ZEB1: variants seen among roughly 807,000 people sequenced by gnomAD.
The protein encoded by ZEB1 is zinc finger E-box binding homeobox 1.
In ZEB1, 21 loss-of-function variants were observed where a neutral mutation model predicts 84.9. The ratio of observed to expected loss-of-function variants is 0.25; its 90% confidence interval spans 0.18 to 0.36. The LOEUF is 0.36. Ranked by LOEUF, ZEB1 falls within the 10% of genes least tolerant of loss-of-function variation. The pLI, the probability that ZEB1 is intolerant of heterozygous loss-of-function variation, is 1.00. For synonymous variants in ZEB1, 420 were observed against 471.1 expected (o/e 0.89, Z 1.41); for missense variants, 1,104 against 1,330.2 (o/e 0.83, Z 2.65).
At chr10:31,372,161 T>C (rs1590462640) in intron 1 of ZEB1, among the ~76,000 whole-genome samples, 1 of 152,104 alleles carries the variant, frequency 6.6e-6, no homozygotes, top group Non-Finnish European at 1.5e-5. Flanking sequence ...TTCAGAAACA[T>C]TTTTTAAGGA....
chr10:31,363,317 G>T, intron 1 of ZEB1: 1 of 1,533,204 alleles, frequency 6.5e-7, no homozygotes, highest in South Asian at 1.2e-5. Flanking sequence ...CCTCCAGCAG[G>T]GCTGTGTGAA....
intron 1 of ZEB1, among the ~76,000 whole-genome samples, chr10:31,325,659 C>T (rs2035310231): frequency 6.6e-6 from 1 of 151,920 alleles, no homozygotes; most frequent in Non-Finnish European, 1.5e-5. Flanking sequence ...CCTCTCCCTT[C>T]CCCTCCCCCA....
intron 1 of ZEB1, among the ~76,000 whole-genome samples, chr10:31,440,609 G>C (rs1345812989): frequency 6.6e-6 from 1 of 152,158 alleles, no homozygotes; most frequent in East Asian, 1.9e-4. Context: ...AAAAGAGGGA[G>C]TCAAATTGTC....
At chr10:31,458,480 C>T (rs554164352) in intron 1 of ZEB1, among the ~76,000 whole-genome samples, 4 of 152,082 alleles carry the variant, frequency 2.6e-5, no homozygotes, top group South Asian at 2.1e-4. Flanking sequence ...TACCCACACA[C>T]GGACTTCACT....
chr10:31,527,282 A>C lies in ZEB1; in HGVS notation c.*18A>C. 1 of 1,587,506 alleles carries C rather than the reference A, an allele frequency of 6.3e-7. No individual in the cohort carries two copies. Among genetic ancestry groups the C allele is most frequent in the Non-Finnish European group, 8.5e-7 (1 of 1,169,992 alleles). On this transcript the variant is annotated 3_prime_UTR_variant, in exon 9 of 9. Transcript: ENST00000424869. ...AAGCCTAATCGTTTTTCTAGAAGGA[A>C]AATAAATTCTAATTGATAATGAATT...
intron 2 of ZEB1, among the ~76,000 whole-genome samples, chr10:31,493,897 T>C (rs1487510550): frequency 6.6e-6 from 1 of 152,050 alleles, no homozygotes. Context: ...GCCTAGAATT[T>C]ATCCCAAGGG....
At chr10:31,486,681 T>G (rs1226115838) in intron 2 of ZEB1, among the ~76,000 whole-genome samples, 1 of 151,618 alleles carries the variant, frequency 6.6e-6, no homozygotes, top group Non-Finnish European at 1.5e-5. Flanking sequence ...GTTACTTATT[T>G]TATTAAATTT....
chr10:31,479,975 A>G (rs2064826308), intron 2 of ZEB1, among the ~76,000 whole-genome samples: 1 of 152,004 alleles, frequency 6.6e-6, no homozygotes, highest in Non-Finnish European at 1.5e-5. Context: ...GTTCAGCCAA[A>G]AACTCTCATG....
At chr10:31,417,743 GA>G (rs562576364) in intron 1 of ZEB1, among the ~76,000 whole-genome samples, 66 of 151,754 alleles carry the variant, frequency 4.3e-4, no homozygotes, top group African/African-American at 1.3e-3. Context: ...TCCTCATTCT[GA>G]ACACCCAATA....
chr10:31,370,443 A>G (rs2045495935), intron 1 of ZEB1, among the ~76,000 whole-genome samples: 1 of 152,172 alleles, frequency 6.6e-6, no homozygotes, highest in African/African-American at 2.4e-5. Flanking sequence ...ATTCTAGGGA[A>G]TTACCATTTT....
At chr10:31,390,651 C>T (rs1264118877) in intron 1 of ZEB1, among the ~76,000 whole-genome samples, 1 of 152,108 alleles carries the variant, frequency 6.6e-6, no homozygotes, top group Non-Finnish European at 1.5e-5. Flanking sequence ...TATTTTCCTA[C>T]CATTGGTTTC....
chr10:31,326,361 C>T (rs533503634), intron 1 of ZEB1, among the ~76,000 whole-genome samples: 3 of 152,084 alleles, frequency 2.0e-5, no homozygotes, highest in Non-Finnish European at 4.4e-5. Flanking sequence ...GCTATTTGCT[C>T]CTATTGCTAC....
chr10:31,447,017 TAA>T (rs1279933697), intron 1 of ZEB1, among the ~76,000 whole-genome samples: 1 of 151,000 alleles, frequency 6.6e-6, no homozygotes, highest in African/African-American at 2.4e-5. Flanking sequence ...AGTGGGGTGT[TAA>T]AGTCTCCCAT....
intron 1 of ZEB1, among the ~76,000 whole-genome samples, chr10:31,426,885 G>A (rs2056998869): frequency 6.6e-6 from 1 of 152,114 alleles, no homozygotes; most frequent in Admixed American, 6.5e-5. Flanking sequence ...ATTTCAGGGT[G>A]TTGTTTTTCT....
At chr10:31,502,239 A>T in intron 3 of ZEB1, 109 bp from the exon 4 acceptor site, 1 of 1,106,870 alleles carries the variant, frequency 9.0e-7, no homozygotes, top group Non-Finnish European at 1.3e-6. Context: ...TTTTCTGCAG[A>T]TTCAAGAACA....
intron 6 of ZEB1, among the ~76,000 whole-genome samples, chr10:31,519,621 C>T (rs927372734): frequency 3.9e-5 from 6 of 152,266 alleles, no homozygotes; most frequent in African/African-American, 1.4e-4. Context: ...TAGGGAAAAA[C>T]TATTTTCAAG....
intron 1 of ZEB1, among the ~76,000 whole-genome samples, chr10:31,368,776 A>G (rs2134363259): frequency 6.6e-6 from 1 of 152,300 alleles, no homozygotes; most frequent in East Asian, 1.9e-4. Context: ...TTCATAGACT[A>G]TGGGAAGTGG....
chr10:31,359,530 T>C, intron 1 of ZEB1, among the ~76,000 whole-genome samples: 1 of 152,110 alleles, frequency 6.6e-6, no homozygotes, highest in Non-Finnish European at 1.5e-5. Context: ...GGAACCATGG[T>C]TTTTCTGTTC....
At chr10:31,400,247 C>T (rs1342744391) in intron 1 of ZEB1, among the ~76,000 whole-genome samples, 1 of 151,970 alleles carries the variant, frequency 6.6e-6, no homozygotes, top group Non-Finnish European at 1.5e-5. Flanking sequence ...GTTTGGCCCA[C>T]GTTATACACT....
Sources: gnomAD v4.1 joint callset for allele counts (sites outside exome capture counted in the v4.1 genomes callset) on GRCh38, gnomAD v4.1.1 for gene constraint, MANE v1.5 for transcripts, NCBI Gene and HGNC (gene_info 2026-07-23, HGNC 2026-07-21) for gene names.